Variants in OSBPL1A observed in about 807,000 individuals in gnomAD.
OSBPL1A encodes the protein oxysterol binding protein like 1A.
In OSBPL1A, 80 loss-of-function variants were observed where a neutral mutation model predicts 137.1. The ratio of observed to expected loss-of-function variants is 0.58; its 90% CI spans 0.49 to 0.70. The LOEUF (loss-of-function observed/expected upper bound fraction) is 0.70. Ranked by LOEUF, OSBPL1A falls within the 30% of genes least tolerant of loss-of-function variation. The probability of loss-of-function intolerance (pLI) is 0.00; values close to 1 mark genes in which losing one functional copy is unlikely to be tolerated. For missense variants in OSBPL1A, 970 were observed against 1,129.4 expected (o/e 0.86, Z 2.02); for synonymous variants, 365 against 389.7 (o/e 0.94, Z 0.75).
intron 13 of OSBPL1A, among the ~76,000 whole-genome samples, chr18:24,310,971 T>C (rs1467836453): frequency 6.6e-6 from 1 of 152,218 alleles, no homozygotes; most frequent in Non-Finnish European, 1.5e-5. Flanking sequence ...CAAAGTTCAC[T>C]GATCTGAAAA....
chr18:24,163,119 TA>T lies in OSBPL1A; in HGVS notation c.*59del. 7.6e-7 allele frequency: 1 copy of T among 1,323,556 alleles called. No individual in the cohort carries two copies. Among genetic ancestry groups the T allele is most frequent in the Non-Finnish European group, 1.1e-6 (1 of 950,252 alleles). The allele number at this position is 1,323,556 out of a possible 1,614,324, so 82.0% of individuals were successfully genotyped here. A position where few individuals can be genotyped will look rare whatever the true frequency, so the allele number is the denominator to read the frequency against. On this transcript the variant is annotated 3_prime_UTR_variant, in exon 28 of 28. Transcript: ENST00000319481. ...AAGTAGAAACCAAGGGAAAAAAATTTAAAAACATAGGTTTAAGACTTATTTG... is the reference window on the plus strand; with the variant it reads ...AAGTAGAAACCAAGGGAAAAAAATTTAAAACATAGGTTTAAGACTTATTTG...
chr18:24,353,564 C>T (rs1241971965), intron 4 of OSBPL1A, among the ~76,000 whole-genome samples: 1 of 151,758 alleles, frequency 6.6e-6, no homozygotes, highest in Non-Finnish European at 1.5e-5. Context: ...CATCCCATTA[C>T]TGGGTATATA....
At chr18:24,184,106 A>T (rs1599452866) in intron 18 of OSBPL1A, among the ~76,000 whole-genome samples, 1 of 152,362 alleles carries the variant, frequency 6.6e-6, no homozygotes, top group South Asian at 2.1e-4. Flanking sequence ...ACATACCATG[A>T]ACTATTTAAT....
intron 17 of OSBPL1A, among the ~76,000 whole-genome samples, chr18:24,201,607 ACAAAAATTAGCTGAG>A (rs1276769255): frequency 2.6e-5 from 4 of 152,092 alleles, no homozygotes; most frequent in Non-Finnish European, 4.4e-5. Context: ...TACTAAAAAT[ACAAAAATTAGCTGAG>A]CGTGGTGGCA....
At chr18:24,282,849 G>C (rs962708329) in intron 14 of OSBPL1A, among the ~76,000 whole-genome samples, 1 of 152,074 alleles carries the variant, frequency 6.6e-6, no homozygotes, top group East Asian at 1.9e-4. Context: ...TGGCTTATGT[G>C]TGTAATCCTC....
At chr18:24,234,409 T>C (rs1180600075) in intron 16 of OSBPL1A, among the ~76,000 whole-genome samples, 1 of 152,204 alleles carries the variant, frequency 6.6e-6, no homozygotes, top group African/African-American at 2.4e-5. Context: ...TTTAAATAAG[T>C]TTACACAATG....
In OSBPL1A at chr18:24,318,620, T is replaced by A. The variant is rs1352136112; in HGVS notation, c.713A>T (p.Tyr238Phe). 1.2e-6 allele frequency: 2 copies of A among 1,610,310 alleles called. No individual in the cohort carries two copies. Among genetic ancestry groups the A allele is most frequent in the Non-Finnish European group, 1.7e-6 (2 of 1,179,294 alleles). Residue 238 changes from tyrosine to phenylalanine, a missense_variant, in exon 9 of 28, where the codon TAT becomes TTT. Physicochemically the swap from Tyr to Phe is conservative, Grantham distance 22. This residue lies in a region of OSBPL1A where 647 missense variants were observed against 672.6 expected (regional missense o/e 0.96). Transcript: ENST00000319481. ...ACTTACCTTCCAGAGAGGGCCCTCA[T>A]ATCGTTTCAATGCTTTGTAGATGAC... ...NKVIYKALKR[Y>F]EGPLWKSSRF...
At chr18:24,189,892 G>A (rs1035669572) in intron 18 of OSBPL1A, among the ~76,000 whole-genome samples, 4 of 152,230 alleles carry the variant, frequency 2.6e-5, no homozygotes, top group Non-Finnish European at 4.4e-5. Context: ...TGAAAGACAC[G>A]CAGGCAGAAA....
intron 17 of OSBPL1A, among the ~76,000 whole-genome samples, chr18:24,220,982 C>G (rs2087870743): frequency 6.6e-6 from 1 of 152,052 alleles, no homozygotes; most frequent in Non-Finnish European, 1.5e-5. Flanking sequence ...GGTTTCGCCA[C>G]ATTGGCCAGG....
chr18:24,316,849 T>C (rs755830049), intron 11 of OSBPL1A, among the ~76,000 whole-genome samples: 21 of 152,200 alleles, frequency 1.4e-4, no homozygotes, highest in Non-Finnish European at 2.6e-4. Context: ...TTCAATTGCA[T>C]GTACTAGGAT....
At chr18:24,254,648 C>G (rs1429506524) in intron 15 of OSBPL1A, among the ~76,000 whole-genome samples, 1 of 151,798 alleles carries the variant, frequency 6.6e-6, no homozygotes, top group Non-Finnish European at 1.5e-5. Flanking sequence ...AAGAGAAACA[C>G]AACACACCAA....
intron 17 of OSBPL1A, among the ~76,000 whole-genome samples, chr18:24,213,368 G>C (rs1049718409): frequency 2.6e-5 from 4 of 152,172 alleles, no homozygotes; most frequent in Admixed American, 2.6e-4. Context: ...AGGAGTTCGA[G>C]ACCAGCCTGG....
intron 1 of OSBPL1A, among the ~76,000 whole-genome samples, chr18:24,379,574 C>T (rs1263434876): frequency 6.7e-6 from 1 of 149,326 alleles, no homozygotes; most frequent in Admixed American, 6.7e-5. Flanking sequence ...AACATTGAAA[C>T]GAAGTTCTAA....
At chr18:24,365,411 C>T (rs907088954) in intron 4 of OSBPL1A, among the ~76,000 whole-genome samples, 1 of 151,962 alleles carries the variant, frequency 6.6e-6, no homozygotes, top group Non-Finnish European at 1.5e-5. Flanking sequence ...ATGGTGAAAC[C>T]CCATCTCTAC....
intron 7 of OSBPL1A, among the ~76,000 whole-genome samples, chr18:24,322,607 T>C (rs1211372273): frequency 6.6e-6 from 1 of 152,164 alleles, no homozygotes; most frequent in Non-Finnish European, 1.5e-5. Flanking sequence ...GTCTGCCAAT[T>C]CTGTGTTATT....
At chr18:24,195,085 G>C (rs575327975) in intron 18 of OSBPL1A, among the ~76,000 whole-genome samples, 1 of 152,122 alleles carries the variant, frequency 6.6e-6, no homozygotes, top group Non-Finnish European at 1.5e-5. Flanking sequence ...GACTGCTTGA[G>C]CCCAGGAGTT....
chr18:24,239,475 T>A, intron 15 of OSBPL1A, 93 bp from the exon 16 acceptor site: 2 of 1,123,404 alleles, frequency 1.8e-6, no homozygotes, highest in Non-Finnish European at 2.5e-6. Context: ...TTTGATCCAG[T>A]TCAACTGCAA....
intron 7 of OSBPL1A, among the ~76,000 whole-genome samples, chr18:24,320,344 C>T (rs374956053): frequency 6.6e-5 from 10 of 152,088 alleles, no homozygotes; most frequent in South Asian, 2.1e-4. Context: ...AACCACGGTA[C>T]GCCCAGACTT....
chr18:24,289,243 A>G (rs2090130045), intron 14 of OSBPL1A, among the ~76,000 whole-genome samples: 1 of 152,116 alleles, frequency 6.6e-6, no homozygotes, highest in African/African-American at 2.4e-5. Context: ...TTTAAACACT[A>G]TCTTAACTAC....
Sources: allele counts gnomAD v4.1 joint callset (sites outside exome capture counted in the v4.1 genomes callset), GRCh38; gene constraint gnomAD v4.1.1; regional missense constraint gnomAD v4.1.1; transcripts MANE v1.5; gene names NCBI Gene and HGNC (gene_info 2026-07-23, HGNC 2026-07-21).